Variants in FHIP1A observed in about 807,000 individuals in gnomAD.
FHIP1A encodes the protein FHF complex subunit HOOK interacting protein 1A.
FHIP1A carries 61 observed loss-of-function variants against 88.6 expected under a neutral mutation model. The ratio of observed to expected loss-of-function variants is 0.69; its 90% confidence interval spans 0.56 to 0.85. FHIP1A has a LOEUF of 0.85. Ranked by LOEUF, FHIP1A falls within the 40% of genes least tolerant of loss-of-function variation. The pLI is 0.00. For synonymous variants in FHIP1A, 478 were observed against 496.0 expected, an observed-to-expected ratio of 0.96 and a Z score of 0.48; for missense variants, 1,154 against 1,273.5, an observed-to-expected ratio of 0.91 and a Z score of 1.43.
At chr4:151,481,797 T>C (rs1729904894) in intron 2 of FHIP1A, among the ~76,000 whole-genome samples, 2 of 152,136 alleles carry the variant, frequency 1.3e-5, no homozygotes. Flanking sequence ...TCTGGCTAAC[T>C]GCTAAGGGTT....
chr4:151,567,094 C>A (rs1249972090), intron 4 of FHIP1A, among the ~76,000 whole-genome samples: 1 of 152,082 alleles, frequency 6.6e-6, no homozygotes, highest in Admixed American at 6.6e-5. Context: ...TTTACTTTGA[C>A]TTCTCTGATC....
At position 151,586,819 on chromosome 4, in the gene FHIP1A, G is replaced by T; in HGVS notation, c.891+20G>T. The T allele has an allele frequency of 6.6e-7, 1 of 1,515,958 alleles. No individual in the cohort carries two copies. The highest frequency in any genetic ancestry group is 8.9e-7 in the Non-Finnish European group (1 of 1,120,516). 93.9% of individuals were successfully genotyped at this position (1,515,958 alleles called of 1,614,324 possible). ...ATACAGGTACCAGAGCACAATAAAG[G>T]ATCCCTTTGCTATGGCTTCATTCAG... is the stretch of plus-strand genomic sequence containing the variant. On this transcript the variant is annotated intron_variant, in intron 6 of 13. Transcript: ENST00000435205.
Position 151,646,678 on chromosome 4 carries a change from G to C in FHIP1A, c.1347G>C (p.Gly449=), listed in dbSNP as rs890520353. 3 of 1,551,352 alleles carry C rather than the reference G, an allele frequency of 1.9e-6. No homozygotes were observed. The African/African-American group carries it at 4.1e-5, about 21-fold the overall frequency. ...TGACTCCTGTCTGCTGCTCCAGCGG[G>C]ATCACTCTGACGCTGGGGAACCAAG... is the stretch of plus-strand genomic sequence containing the variant. ...LALTPVCCSS[G]ITLTLGNQER... Residue 449 remains glycine, a synonymous_variant, in exon 10 of 14, where the codon GGG becomes GGC. Transcript: ENST00000435205.
chr4:151,459,887 CT>C (rs1719711655), intron 2 of FHIP1A, among the ~76,000 whole-genome samples: 1 of 152,068 alleles, frequency 6.6e-6, no homozygotes, highest in Non-Finnish European at 1.5e-5. Flanking sequence ...TGAGAAAGAC[CT>C]TTTGCATACA....
intron 5 of FHIP1A, among the ~76,000 whole-genome samples, chr4:151,581,620 G>A (rs1212718749): frequency 1.3e-5 from 2 of 152,094 alleles, no homozygotes; most frequent in Non-Finnish European, 2.9e-5. Flanking sequence ...ATTGTGTTAA[G>A]TTGCCCCTCA....
intron 1 of FHIP1A, among the ~76,000 whole-genome samples, chr4:151,410,043 T>C (rs773370948): frequency 5.3e-5 from 8 of 152,204 alleles, no homozygotes; most frequent in Non-Finnish European, 1.0e-4. Context: ...TTCCTCTGGC[T>C]CAACAAAGGT....
chr4:151,425,830 T>C (rs1733349165), intron 1 of FHIP1A, among the ~76,000 whole-genome samples: 1 of 152,168 alleles, frequency 6.6e-6, no homozygotes, highest in Non-Finnish European at 1.5e-5. Context: ...CATGTGTCCC[T>C]GTCTAATTTC....
intron 2 of FHIP1A, among the ~76,000 whole-genome samples, chr4:151,468,085 C>T (rs1383240059): frequency 6.6e-6 from 1 of 151,208 alleles, no homozygotes; most frequent in East Asian, 1.9e-4. Flanking sequence ...GAGATTGAGA[C>T]CGTCCTGGCT....
At chr4:151,495,916 C>T (rs1361430766) in intron 3 of FHIP1A, among the ~76,000 whole-genome samples, 5 of 152,084 alleles carry the variant, frequency 3.3e-5, no homozygotes, top group African/African-American at 1.2e-4. Flanking sequence ...AGCCACTGTG[C>T]CTGGCCTATA....
chr4:151,596,530 G>C (rs1356637768), intron 7 of FHIP1A, among the ~76,000 whole-genome samples: 1 of 152,074 alleles, frequency 6.6e-6, no homozygotes, highest in Non-Finnish European at 1.5e-5. Context: ...ATGTATCTTT[G>C]TGGTGGTCTC....
intron 8 of FHIP1A, among the ~76,000 whole-genome samples, chr4:151,636,335 GT>G (rs2126887375): frequency 6.6e-6 from 1 of 152,052 alleles, no homozygotes; most frequent in South Asian, 2.1e-4. Context: ...AGTGAAGAAT[GT>G]TTTTCACTAA....
intron 5 of FHIP1A, among the ~76,000 whole-genome samples, chr4:151,582,984 A>G (rs1734079469): frequency 6.6e-6 from 1 of 152,198 alleles, no homozygotes; most frequent in Non-Finnish European, 1.5e-5. Context: ...TCCTGTTCCC[A>G]CAGCACTCCG....
At chr4:151,450,402 T>A (rs1728749822) in intron 1 of FHIP1A, among the ~76,000 whole-genome samples, 1 of 152,184 alleles carries the variant, frequency 6.6e-6, no homozygotes, top group African/African-American at 2.4e-5. Context: ...GACCATATAC[T>A]TTTTAAGGGG....
chr4:151,576,179 C>T (rs1281871632), intron 4 of FHIP1A, among the ~76,000 whole-genome samples: 1 of 152,156 alleles, frequency 6.6e-6, no homozygotes, highest in African/African-American at 2.4e-5. Flanking sequence ...GGTGAGAAAC[C>T]TTCAGATGCT....
rs547744510 is a variant in FHIP1A at position 151,655,123 on chromosome 4, C to A, written c.2552-1109C>A. Among the ~76,000 whole-genome samples, 328 of 152,194 alleles carry A rather than the reference C, an allele frequency of 2.2e-3. 1 individual carries two copies. Among genetic ancestry groups the A allele is most frequent in the African/African-American group, 7.5e-3 (310 of 41,502 alleles). The stretch of plus-strand genomic sequence containing the variant: ...TGATGAAGTATGTTTTTGTTAAACT[C>A]GTATTAATGTTGGTGACATCTTCAT... On this transcript the variant is annotated intron_variant, in intron 11 of 13. Coordinates refer to ENST00000435205, the MANE Select transcript of FHIP1A (RefSeq NM_001109977.3).
chr4:151,620,519 G>T (rs918123011), intron 7 of FHIP1A, among the ~76,000 whole-genome samples: 38 of 152,134 alleles, frequency 2.5e-4, no homozygotes, highest in Admixed American at 1.9e-3. Context: ...TTCTAGTATA[G>T]CTCTTCTTGC....
intron 9 of FHIP1A, among the ~76,000 whole-genome samples, chr4:151,643,002 C>T (rs1736648850): frequency 6.6e-6 from 1 of 150,920 alleles, no homozygotes; most frequent in East Asian, 1.9e-4. Flanking sequence ...CCTCTGAAGT[C>T]AGATATTTAT....
At chr4:151,574,009 AT>A (rs1244818249) in intron 4 of FHIP1A, among the ~76,000 whole-genome samples, 1 of 152,208 alleles carries the variant, frequency 6.6e-6, no homozygotes, top group African/African-American at 2.4e-5. Context: ...CCCTGCCAAC[AT>A]AGGAACCAGT....
intron 1 of FHIP1A, among the ~76,000 whole-genome samples, chr4:151,410,325 G>C (rs912153239): frequency 6.6e-6 from 1 of 152,234 alleles, no homozygotes; most frequent in African/African-American, 2.4e-5. Flanking sequence ...CAAATGTTGA[G>C]AAGGAGAGAC....
Sources: gnomAD v4.1 joint callset for allele counts (sites outside exome capture counted in the v4.1 genomes callset) on GRCh38, gnomAD v4.1.1 for gene constraint, MANE v1.5 for transcripts, NCBI Gene and HGNC (gene_info 2026-07-23, HGNC 2026-07-21) for gene names.